Variants in EGFR observed in about 807,000 individuals in gnomAD.
EGFR encodes avian erythroblastic leukemia viral (v-erb-b) oncogene homolog.
Under a neutral mutation model 143.0 loss-of-function variants are expected in EGFR, and 58 were observed. The observed-to-expected ratio is 0.41, with a 90% CI of 0.33 to 0.50. The LOEUF (loss-of-function observed/expected upper bound fraction) is 0.50, where lower values mean the gene tolerates loss of function less well. Among genes scored for constraint, EGFR ranks in the 20% least tolerant of loss-of-function variants. The pLI is 0.39. For missense variants in EGFR, 1,307 were observed against 1,579.0 expected (o/e 0.83, Z 2.92); for synonymous variants, 613 against 594.4 (o/e 1.03, Z -0.45).
intron 1 of EGFR, among the ~76,000 whole-genome samples, chr7:55,135,102 G>A (rs1794063287): frequency 6.6e-6 from 1 of 152,018 alleles, no homozygotes; most frequent in Non-Finnish European, 1.5e-5. Flanking sequence ...CTCCCAAGAG[G>A]GTGGGAACTC....
chr7:55,126,281 A>G (rs1319957484), intron 1 of EGFR, among the ~76,000 whole-genome samples: 6 of 152,224 alleles, frequency 3.9e-5, no homozygotes, highest in Admixed American at 3.9e-4. Context: ...GTTCCAGTCA[A>G]TGCTATGTCC....
At chr7:55,178,860 T>C (rs1360488002) in intron 19 of EGFR, among the ~76,000 whole-genome samples, 1 of 152,254 alleles carries the variant, frequency 6.6e-6, no homozygotes, top group African/African-American at 2.4e-5. Context: ...TTTGTTTGTC[T>C]TGAATGCAAG....
At position 55,170,949 on chromosome 7, in the gene EGFR, C is replaced by T. The variant is rs17337009; in HGVS notation, c.1881-226C>T. The T allele has an allele frequency of 1.2e-3, 1,690 of 1,434,520 alleles. 11 individuals carry two copies. In the African/African-American group the frequency reaches 0.018, roughly 16 times the overall value. The allele number at this position is 1,434,520 out of a possible 1,614,324, so 88.9% of individuals were successfully genotyped here. On this transcript the variant is annotated intron_variant, in intron 15 of 27. Coordinates refer to ENST00000275493, the MANE Select transcript of EGFR (RefSeq NM_005228.5). The stretch of plus-strand genomic sequence containing the variant: ...GCTGCTTTGTTCAATGCTAGAACAA[C>T]GCCTGTCACAGAGTAGAAACTCAAA...
intron 1 of EGFR, among the ~76,000 whole-genome samples, chr7:55,091,163 A>G (rs1791085560): frequency 6.6e-6 from 1 of 152,162 alleles, no homozygotes; most frequent in Non-Finnish European, 1.5e-5. Context: ...TTTGTTTTGT[A>G]TTGGATTTGC....
chr7:55,205,878 T>C lies in EGFR; in HGVS notation c.*261T>C. 1 of 536,300 alleles carries C rather than the reference T, an allele frequency of 1.9e-6. No homozygotes were observed. The highest frequency in any genetic ancestry group is 3.2e-5 in the East Asian group (1 of 31,444). The allele number at this position is 536,300 out of a possible 1,614,324, so 33.2% of individuals were successfully genotyped here. ...TATTGTCCCTTTGAGCAGAAATTTATCTTTCAAAGAGGTATATTTGAAAAA... is the reference window on the plus strand; with the variant it reads ...TATTGTCCCTTTGAGCAGAAATTTACCTTTCAAAGAGGTATATTTGAAAAA... On this transcript the variant is annotated 3_prime_UTR_variant, in exon 28 of 28. Transcript: ENST00000275493.
chr7:55,031,663 T>C (rs1562653258), intron 1 of EGFR, among the ~76,000 whole-genome samples: 3 of 152,198 alleles, frequency 2.0e-5, no homozygotes, highest in Non-Finnish European at 4.4e-5. Context: ...GGCTACTAAA[T>C]GTTCATAATG....
At chr7:55,040,748 G>A (rs1416647234) in intron 1 of EGFR, among the ~76,000 whole-genome samples, 1 of 152,114 alleles carries the variant, frequency 6.6e-6, no homozygotes, top group Non-Finnish European at 1.5e-5. Context: ...ATGTTTATCT[G>A]ATCTTGTTTA....
intron 1 of EGFR, among the ~76,000 whole-genome samples, chr7:55,086,077 G>GC (rs1790739138): frequency 2.6e-5 from 4 of 151,878 alleles, no homozygotes; most frequent in African/African-American, 9.7e-5. Flanking sequence ...CTGACTATGT[G>GC]CCAGGTCCCG....
rs181024534 is a variant in EGFR, at chr7:55,091,812, C to G, written c.89-50474C>G. 4.0e-5 allele frequency among the ~76,000 whole-genome samples: 6 copies of G among 149,462 alleles called. No individual in the cohort carries two copies. In the Admixed American group the frequency reaches 4.0e-4, roughly 10 times the overall value. ...GAGGATTTCAAAGCAGAGGGCATCTCGTAGAGCAACTTATCCAAACCCTGA... is the reference window on the plus strand; with the variant it reads ...GAGGATTTCAAAGCAGAGGGCATCTGGTAGAGCAACTTATCCAAACCCTGA... On this transcript the variant is annotated intron_variant, in intron 1 of 27. Coordinates refer to ENST00000275493, the MANE Select transcript of EGFR (RefSeq NM_005228.5).
intron 20 of EGFR, among the ~76,000 whole-genome samples, chr7:55,186,215 C>T (rs756083698): frequency 2.6e-5 from 4 of 152,234 alleles, no homozygotes; most frequent in Non-Finnish European, 5.9e-5. Context: ...GGGTGGAGCA[C>T]TGAGGAAGGG....
rs1021991659 is a variant in EGFR, at chr7:55,209,919, G to C, written c.*4302G>C. The stretch of plus-strand genomic sequence containing the variant: ...TTAAAAGGGTTAAGTTGAGGCAAGA[G>C]GAAAGCCCTTTCTCTCTCTTATAAA... On this transcript the variant is annotated 3_prime_UTR_variant, in exon 28 of 28. Transcript: ENST00000275493. The C allele has an allele frequency of 6.6e-6, 1 of 152,228 alleles. No homozygotes were observed. The highest frequency in any genetic ancestry group is 6.5e-5 in the Admixed American group (1 of 15,278). The allele number at this position is 152,228 out of a possible 1,614,324, so 9.4% of individuals were successfully genotyped here.
In EGFR at chr7:55,202,597, C is replaced by T. The variant is rs1312402292; in HGVS notation, c.3243C>T (p.Ser1081=). Residue 1081 remains serine, a synonymous_variant, in exon 27 of 28, where the codon AGC becomes AGT. Transcript: ENST00000275493. Reference sequence around the variant, plus strand: ...CCACAGGCGCCTTGACTGAGGACAGCATAGACGACACCTTCCTCCCAGTGC... The same window carrying T: ...CCACAGGCGCCTTGACTGAGGACAGTATAGACGACACCTTCCTCCCAGTGC... ...SDPTGALTED[S]IDDTFLPVPE... 6.2e-7 allele frequency: 1 copy of T among 1,613,438 alleles called. No individual in the cohort carries two copies. Among genetic ancestry groups the T allele is most frequent in the Non-Finnish European group, 8.5e-7 (1 of 1,179,682 alleles).
chr7:55,155,127 TCTTGGGGA>T (rs1785346985), intron 7 of EGFR, among the ~76,000 whole-genome samples: 1 of 152,204 alleles, frequency 6.6e-6, no homozygotes, highest in African/African-American at 2.4e-5. Context: ...TTGAGGATCT[TCTTGGGGA>T]ACTTAAAACA....
chr7:55,120,254 C>T (rs1206371532), intron 1 of EGFR, among the ~76,000 whole-genome samples: 1 of 152,208 alleles, frequency 6.6e-6, no homozygotes, highest in African/African-American at 2.4e-5. Flanking sequence ...ACGCCACCCA[C>T]CCTCGTGGTT....
intron 22 of EGFR, among the ~76,000 whole-genome samples, chr7:55,196,819 G>A (rs1461588571): frequency 6.6e-6 from 1 of 151,670 alleles, no homozygotes; most frequent in Non-Finnish European, 1.5e-5. Flanking sequence ...CGATCACATG[G>A]TTGTAGGTGT....
At position 55,173,010 on chromosome 7, in the gene EGFR, G is replaced by A. The variant is rs531361756; in HGVS notation, c.1947G>A (p.Gly649=). Residue 649 remains glycine (G), a synonymous_variant, in exon 17 of 28, where the codon GGG becomes GGA. Coordinates refer to ENST00000275493, the MANE Select transcript of EGFR (RefSeq NM_005228.5). Reference sequence around the variant, plus strand: ...CTAAGATCCCGTCCATCGCCACTGGGATGGTGGGGGCCCTCCTCTTGCTGC... The same window carrying A: ...CTAAGATCCCGTCCATCGCCACTGGAATGGTGGGGGCCCTCCTCTTGCTGC... ...NGPKIPSIAT[G]MVGALLLLLV... is the part of the protein sequence containing the mutation. 1 of 1,614,166 alleles carries A rather than the reference G, an allele frequency of 6.2e-7. No homozygotes were observed.
Position 55,109,866 on chromosome 7 carries a change from G to C in EGFR, c.89-32420G>C, listed in dbSNP as rs940925672. On this transcript the variant is annotated intron_variant, in intron 1 of 27. Coordinates refer to ENST00000275493, the MANE Select transcript of EGFR (RefSeq NM_005228.5). ...TTCTCCACTGGACTTCAGAACAAGA[G>C]GGAGCTCTGGGCTGCTGGCTGGTTG... 2.1e-5 allele frequency: 21 copies of C among 985,428 alleles called. No individual in the cohort carries two copies. In the Admixed American group the frequency reaches 6.1e-4, roughly 29 times the overall value. 61.0% of individuals were successfully genotyped at this position (985,428 alleles called of 1,614,324 possible).
chr7:55,173,315 T>A (rs1237365359), intron 17 of EGFR, among the ~76,000 whole-genome samples, 191 bp downstream of exon 17: 2 of 152,234 alleles, frequency 1.3e-5, no homozygotes, highest in Non-Finnish European at 2.9e-5. Context: ...GAAATGGCAA[T>A]GTTTCTAGGC....
chr7:55,094,189 G>C (rs1478135490), intron 1 of EGFR, among the ~76,000 whole-genome samples: 1 of 152,226 alleles, frequency 6.6e-6, no homozygotes, highest in African/African-American at 2.4e-5. Flanking sequence ...CTGTGGAAGT[G>C]AGTTTCCACT....
Sources: allele counts gnomAD v4.1 joint callset (sites outside exome capture counted in the v4.1 genomes callset), GRCh38; gene constraint gnomAD v4.1.1; transcripts MANE v1.5; gene names NCBI Gene and HGNC (gene_info 2026-07-23, HGNC 2026-07-21).